The following CEP295 variants were observed in gnomAD, a reference collection of about 807,000 sequenced individuals.
CEP295 encodes centrosomal protein 295.
A neutral mutation model predicts 291.6 loss-of-function variants in CEP295; 190 were observed. The ratio of observed to expected loss-of-function variants is 0.65; its 90% CI spans 0.58 to 0.73. The LOEUF is 0.73. CEP295 is among the 30% of genes least tolerant of loss of function. The probability of loss-of-function intolerance (pLI) is 0.00; values close to 1 mark genes in which losing one functional copy is unlikely to be tolerated. For missense variants in CEP295, 2,863 were observed against 2,949.4 expected (o/e 0.97, Z 0.68); for synonymous variants, 993 against 1,038.8 (o/e 0.96, Z 0.85).
intron 12 of CEP295, among the ~76,000 whole-genome samples, chr11:93,692,824 T>G (rs1450832645): frequency 4.0e-5 from 6 of 150,600 alleles, no homozygotes; most frequent in African/African-American, 1.5e-4. Context: ...AATACAAAAA[T>G]CAGCTGGGTG....
chr11:93,724,779 C>G (rs925333478), intron 22 of CEP295, among the ~76,000 whole-genome samples: 3 of 151,496 alleles, frequency 2.0e-5, no homozygotes, highest in East Asian at 2.0e-4. Context: ...AAAAAAGAAA[C>G]AAACAAACAA....
intron 15 of CEP295, 98 bp downstream of exon 15, chr11:93,700,284 T>A: frequency 9.2e-7 from 1 of 1,089,284 alleles, no homozygotes; most frequent in Non-Finnish European, 1.3e-6. Context: ...TGAGAAAAAG[T>A]AGTTTGACCT....
Position 93,698,411 on chromosome 11 carries a change from C to G in CEP295, c.3499C>G (p.Gln1167Glu), listed in dbSNP as rs76617430. 6.4e-7 allele frequency: 1 copy of G among 1,551,948 alleles called. No homozygotes were observed. Among genetic ancestry groups the G allele is most frequent in the Non-Finnish European group, 8.7e-7 (1 of 1,147,064 alleles). The part of the protein sequence containing the change: ...LAQQENLTIL[Q>E]EQSQIQRVIL... ...ACAGCAAGAAAATTTGACAATACTC[C>G]AAGAACAGTCACAAATACAAAGGGT... The change falls in exon 15 of 30, where the codon CAA (glutamine) becomes GAA (glutamate). Residue 1167 changes from glutamine to glutamate, a missense_variant. Gln to Glu is a conservative substitution (Grantham distance 29). Around this residue, in one of 3 missense-constraint regions of CEP295, gnomAD observed 2,295 missense variants for 2,335.7 expected, o/e 0.98. Coordinates refer to ENST00000325212, the MANE Select transcript of CEP295 (RefSeq NM_033395.2).
At chr11:93,672,861 A>C (rs1432846114) in intron 5 of CEP295, among the ~76,000 whole-genome samples, 1 of 152,222 alleles carries the variant, frequency 6.6e-6, no homozygotes, top group African/African-American at 2.4e-5. Flanking sequence ...TAGTAATCAA[A>C]ATCTCAAATC....
intron 18 of CEP295, among the ~76,000 whole-genome samples, chr11:93,713,742 G>C (rs1953061400): frequency 6.6e-6 from 1 of 151,990 alleles, no homozygotes; most frequent in Non-Finnish European, 1.5e-5. Context: ...TTATCCCTTT[G>C]AACAAACTCT....
intron 9 of CEP295, among the ~76,000 whole-genome samples, chr11:93,685,340 A>G (rs1425572647): frequency 6.6e-6 from 1 of 151,676 alleles, no homozygotes; most frequent in Non-Finnish European, 1.5e-5. Context: ...TCCCATATCT[A>G]CTGGTATTTC....
chr11:93,718,072 C>T (rs980302181), intron 18 of CEP295, among the ~76,000 whole-genome samples: 14 of 152,116 alleles, frequency 9.2e-5, no homozygotes, highest in African/African-American at 2.7e-4. Flanking sequence ...CCACCCCACC[C>T]GGTTAATTTT....
chr11:93,698,132 A>C lies in CEP295; in HGVS notation c.3220A>C (p.Arg1074=). 6.4e-7 allele frequency: 1 copy of C among 1,552,208 alleles called. No homozygotes were observed. Among genetic ancestry groups the C allele is most frequent in the Non-Finnish European group, 8.7e-7 (1 of 1,147,086 alleles). The change falls in exon 15 of 30, where the codon AGG becomes CGG. Residue 1074 remains arginine (R), a synonymous_variant. Coordinates refer to ENST00000325212, the MANE Select transcript of CEP295 (RefSeq NM_033395.2). Reference sequence around the variant, plus strand: ...TAAACAGAGGGATACTCTTCAGGCTAGGCATGAAGCTCAGGTGGAATTACT... The same window carrying C: ...TAAACAGAGGGATACTCTTCAGGCTCGGCATGAAGCTCAGGTGGAATTACT... The part of the protein sequence containing the change: ...LTKQRDTLQA[R]HEAQVELLLH...
At chr11:93,679,179 G>A (rs777939165) in intron 6 of CEP295, among the ~76,000 whole-genome samples, 5 of 152,200 alleles carry the variant, frequency 3.3e-5, no homozygotes, top group Non-Finnish European at 5.9e-5. Context: ...GGATAAATGT[G>A]TTTGGAGGAG....
chr11:93,728,452 C>T (rs1229415383), intron 24 of CEP295: 1 of 396,408 alleles, frequency 2.5e-6, no homozygotes, highest in Non-Finnish European at 4.5e-6. Flanking sequence ...TCCATTGTCA[C>T]ACTATTTCAT....
chr11:93,673,474 T>C (rs946935103), intron 5 of CEP295, among the ~76,000 whole-genome samples: 6 of 152,132 alleles, frequency 3.9e-5, no homozygotes, highest in African/African-American at 1.4e-4. Flanking sequence ...GCTGTACATT[T>C]ATCACCTGTG....
At chr11:93,682,094 G>T (rs1189585762) in intron 7 of CEP295, among the ~76,000 whole-genome samples, 1 of 151,892 alleles carries the variant, frequency 6.6e-6, no homozygotes, top group Non-Finnish European at 1.5e-5. Flanking sequence ...TAGTATAAAT[G>T]AAATAAGTTC....
Position 93,723,227 on chromosome 11 carries a change from A to G in CEP295, c.6134A>G (p.Gln2045Arg). Reference sequence around the variant, plus strand: ...ACTACATGTGGTCACACACACTTTCAGCAAATGATAGACAAGTACATTAAT... The same window carrying G: ...ACTACATGTGGTCACACACACTTTCGGCAAATGATAGACAAGTACATTAAT... ...DETTCGHTHF[Q>R]QMIDKYINEA... The change falls in exon 21 of 30, where the codon CAG (glutamine) becomes CGG (arginine). Residue 2045 changes from glutamine to arginine, a missense_variant. Gln to Arg is a conservative substitution (Grantham distance 43, BLOSUM62 1). Coordinates refer to ENST00000325212, the MANE Select transcript of CEP295 (RefSeq NM_033395.2). 6.4e-7 allele frequency: 1 copy of G among 1,550,766 alleles called. No homozygotes were observed.
chr11:93,664,509 T>C, intron 1 of CEP295, among the ~76,000 whole-genome samples: 1 of 152,218 alleles, frequency 6.6e-6, no homozygotes, highest in East Asian at 1.9e-4. Context: ...CATTAAAAGA[T>C]TTTTTTAATG....
At chr11:93,682,053 T>C (rs1036727150) in intron 7 of CEP295, among the ~76,000 whole-genome samples, 6 of 152,006 alleles carry the variant, frequency 3.9e-5, no homozygotes, top group African/African-American at 1.5e-4. Context: ...AATAGTACAC[T>C]TACTCAAACA....
chr11:93,704,452 G>C (rs996662017), intron 17 of CEP295, among the ~76,000 whole-genome samples: 1 of 152,088 alleles, frequency 6.6e-6, no homozygotes, highest in East Asian at 1.9e-4. Flanking sequence ...GGTGGCGCTT[G>C]CCTGTAGTGT....
Position 93,699,389 on chromosome 11 carries a change from T to TC in CEP295, c.4478dup (p.Ser1494PhefsTer2). The TC allele has an allele frequency of 6.4e-7, 1 of 1,551,816 alleles. No homozygotes were observed. The highest frequency in any genetic ancestry group is 8.7e-7 in the Non-Finnish European group (1 of 1,147,004). ...ACCATGTAAATTTGAGGAAAAGGTA[T>TC]CTTCTGAGCATTTTATCCAGTCTCA... On this transcript the variant is annotated frameshift_variant, in exon 15 of 30. Coordinates refer to ENST00000325212, the MANE Select transcript of CEP295 (RefSeq NM_033395.2). LOFTEE classifies it high-confidence loss of function.
At position 93,697,187 on chromosome 11, in the gene CEP295, A is replaced by G. The variant is rs1951886075; in HGVS notation, c.2275A>G (p.Thr759Ala). The G allele has an allele frequency of 1.9e-6, 3 of 1,551,760 alleles. No homozygotes were observed. The highest frequency in any genetic ancestry group is 3.9e-5 in the Admixed American group (2 of 50,980). Residue 759 changes from threonine (T) to alanine (A), a missense_variant, in exon 15 of 30, where the codon ACT becomes GCT. Physicochemically the swap from Thr to Ala is moderately conservative, Grantham distance 58. Coordinates refer to ENST00000325212, the MANE Select transcript of CEP295 (RefSeq NM_033395.2). ...AATATCTGAAACATTTGGGGCAACAACTTTTCAAAGTTTAGAATCCCAACA... is the reference window on the plus strand; with the variant it reads ...AATATCTGAAACATTTGGGGCAACAGCTTTTCAAAGTTTAGAATCCCAACA... ...RKISETFGATTFQSLESQQLF... is the reference protein window; with the variant it reads ...RKISETFGATAFQSLESQQLF...
At chr11:93,724,462 C>T in intron 22 of CEP295, 87 bp downstream of exon 22, 2 of 1,301,032 alleles carry the variant, frequency 1.5e-6, no homozygotes, top group Non-Finnish European at 2.1e-6. Flanking sequence ...TTCTTCTAAA[C>T]CCTTACCTAG....
Sources: gnomAD v4.1 joint callset for allele counts (sites outside exome capture counted in the v4.1 genomes callset) on GRCh38, gnomAD v4.1.1 for gene constraint, gnomAD v4.1.1 regional missense constraint, MANE v1.5 for transcripts, NCBI Gene and HGNC (gene_info 2026-07-23, HGNC 2026-07-21) for gene names.